AOX1: variants seen among roughly 807,000 people sequenced by gnomAD.
AOX1 encodes the protein aldehyde oxidase.
In AOX1, 153 loss-of-function variants were observed where a neutral mutation model predicts 169.5. The observed-to-expected ratio is 0.90, with a 90% confidence interval of 0.79 to 1.03. The LOEUF is 1.03. Ranked by LOEUF, AOX1 falls within the 50% of genes least tolerant of loss-of-function variation. AOX1 has a pLI of 0.00. For missense variants in AOX1, 1,656 were observed against 1,663.9 expected (o/e 1.00, Z 0.08); for synonymous variants, 562 against 581.9 (o/e 0.97, Z 0.49).
chr2:200,671,626 G>C (rs2036029864), downstream of AOX1: 1 of 152,150 alleles, frequency 6.6e-6, no homozygotes, highest in African/African-American at 2.4e-5. Context: ...ATATGCAGTA[G>C]GATGATTGTA....
intron 18 of AOX1, among the ~76,000 whole-genome samples, chr2:200,621,904 C>T (rs2034894230): frequency 6.6e-6 from 1 of 152,178 alleles, no homozygotes; most frequent in African/African-American, 2.4e-5. Flanking sequence ...AGGCACAAAT[C>T]ACCATGCTCG....
At chr2:200,596,166 A>G (rs1257101297) in intron 3 of AOX1, among the ~76,000 whole-genome samples, 2 of 152,230 alleles carry the variant, frequency 1.3e-5, no homozygotes, top group East Asian at 3.8e-4. Flanking sequence ...GGATCTGAGC[A>G]CTGGTGAGGT....
At chr2:200,631,305 T>C (rs1403162129) in intron 20 of AOX1, among the ~76,000 whole-genome samples, 1 of 152,200 alleles carries the variant, frequency 6.6e-6, no homozygotes, top group Non-Finnish European at 1.5e-5. Flanking sequence ...TCCTCTACAT[T>C]ATCCTGCTTC....
At chr2:200,594,522 C>T (rs2034239235) in intron 2 of AOX1, among the ~76,000 whole-genome samples, 1 of 152,132 alleles carries the variant, frequency 6.6e-6, no homozygotes. Context: ...CAGCTTTCTC[C>T]CCACCATCAG....
chr2:200,620,198 ACTTT>A (rs2034853028), intron 16 of AOX1, among the ~76,000 whole-genome samples: 1 of 120,912 alleles, frequency 8.3e-6, no homozygotes, highest in Non-Finnish European at 1.7e-5. Flanking sequence ...ATTAATAGTG[ACTTT>A]TTTTTTTTTT....
chr2:200,641,525 T>G (rs756505985), intron 24 of AOX1, among the ~76,000 whole-genome samples: 1 of 152,122 alleles, frequency 6.6e-6, no homozygotes, highest in Admixed American at 6.5e-5. Flanking sequence ...CTTTGGCCTC[T>G]ACTTAGTAGG....
rs1426978113 is a variant in AOX1 at position 200,604,937 on chromosome 2, T to C, written c.814+97T>C. 5.3e-6 allele frequency: 6 copies of C among 1,137,244 alleles called. No individual in the cohort carries two copies. The African/African-American group carries it at 7.8e-5, about 15-fold the overall frequency. The allele number at this position is 1,137,244 out of a possible 1,614,324, so 70.4% of individuals were successfully genotyped here. ...GGGGAAACTTCATATACATGTGTTC[T>C]CAGGAAAAGCAGTCTGAAATAGCAT... On this transcript the variant is annotated intron_variant, in intron 9 of 34. Transcript: ENST00000374700.
At chr2:200,657,181 TA>T (rs1488369469) in intron 27 of AOX1, among the ~76,000 whole-genome samples, 39 of 70,484 alleles carry the variant, frequency 5.5e-4, no homozygotes, top group African/African-American at 1.7e-3. Flanking sequence ...TATATATATA[TA>T]TATATATATT....
intron 18 of AOX1, among the ~76,000 whole-genome samples, chr2:200,622,415 A>G (rs969403748): frequency 5.3e-5 from 8 of 152,196 alleles, no homozygotes; most frequent in African/African-American, 1.7e-4. Context: ...CATAATTCGG[A>G]CTGCTCAGTT....
intron 10 of AOX1, among the ~76,000 whole-genome samples, chr2:200,607,265 T>C (rs547347867): frequency 6.6e-6 from 1 of 152,288 alleles, no homozygotes; most frequent in African/African-American, 2.4e-5. Context: ...ACTGGTTCTG[T>C]TTATGTGAGG....
chr2:200,593,923 A>G (rs754018139), intron 2 of AOX1, among the ~76,000 whole-genome samples: 2 of 152,216 alleles, frequency 1.3e-5, no homozygotes, highest in Non-Finnish European at 2.9e-5. Context: ...GTACCTATGT[A>G]TAATATTTAA....
chr2:200,602,169 A>G (rs2034427935), intron 5 of AOX1, 115 bp from the exon 6 acceptor site: 1 of 767,578 alleles, frequency 1.3e-6, no homozygotes, highest in South Asian at 1.9e-5. Context: ...TAGGTGGACT[A>G]AAATGTCAAA....
chr2:200,670,659 C>T lies in AOX1; in HGVS notation c.3997C>T (p.Pro1333Ser). ...GAGAGATGAACCTGGATCCTACGTT[C>T]CTTGGAATGTACCCATCTGAATCAA... ...IPRDEPGSYVPWNVPI is the reference protein window; with the variant it reads ...IPRDEPGSYVSWNVPI The change falls in exon 35 of 35, where the codon CCT (proline) becomes TCT (serine). Residue 1333 changes from proline (P) to serine (S), a missense_variant. Transcript: ENST00000374700. The T allele has an allele frequency of 6.2e-7, 1 of 1,612,816 alleles. No homozygotes were observed. The highest frequency in any genetic ancestry group is 8.5e-7 in the Non-Finnish European group (1 of 1,179,422).
intron 10 of AOX1, among the ~76,000 whole-genome samples, chr2:200,607,913 AC>A (rs2034548727): frequency 6.6e-6 from 1 of 152,244 alleles, no homozygotes; most frequent in Non-Finnish European, 1.5e-5. Flanking sequence ...TGGGAGTTGA[AC>A]AATGAGAACA....
At chr2:200,629,445 CGTTGGCAGGT>C (rs1271369156) in intron 20 of AOX1, among the ~76,000 whole-genome samples, 4 of 152,262 alleles carry the variant, frequency 2.6e-5, no homozygotes, top group South Asian at 4.1e-4. Context: ...TAGTGAGATA[CGTTGGCAGGT>C]GTTCATTTAT....
At position 200,602,426 on chromosome 2, in the gene AOX1, A is replaced by G. The variant is rs913798322; in HGVS notation, c.498+81A>G. 3 of 1,268,812 alleles carry G rather than the reference A, an allele frequency of 2.4e-6. No homozygotes were observed. The African/African-American group carries it at 4.4e-5, about 19-fold the overall frequency. 78.6% of individuals were successfully genotyped at this position (1,268,812 alleles called of 1,614,324 possible). A position where few individuals can be genotyped will look rare whatever the true frequency, so the allele number is the denominator to read the frequency against. ...AATGGTTGTCAGTGATTAGGGGGGC[A>G]GCCATCTTACTAATACATGGCTACT... On this transcript the variant is annotated intron_variant, in intron 6 of 34. Transcript: ENST00000374700.
intron 32 of AOX1, among the ~76,000 whole-genome samples, chr2:200,667,479 C>T (rs2035944052): frequency 7.9e-6 from 1 of 126,768 alleles, no homozygotes; most frequent in Admixed American, 9.0e-5. Flanking sequence ...CATGACATTG[C>T]ATTATTGGCG....
intron 1 of AOX1, among the ~76,000 whole-genome samples, chr2:200,586,931 A>G (rs373199754): frequency 7.6e-4 from 116 of 152,296 alleles, no homozygotes; most frequent in African/African-American, 2.7e-3. Flanking sequence ...TTAATGTTCC[A>G]GTTTCATTGA....
At chr2:200,604,671 T>C in intron 8 of AOX1, 25 bp from the exon 9 acceptor site, 1 of 1,613,826 alleles carries the variant, frequency 6.2e-7, no homozygotes, top group Non-Finnish European at 8.5e-7. Flanking sequence ...TTGGGTACCT[T>C]GAATCCCTAT....
Sources: allele counts gnomAD v4.1 joint callset (sites outside exome capture counted in the v4.1 genomes callset), GRCh38; gene constraint gnomAD v4.1.1; transcripts MANE v1.5; gene names NCBI Gene and HGNC (gene_info 2026-07-23, HGNC 2026-07-21).